The following PTPRR variants were observed in gnomAD, a reference collection of about 807,000 sequenced individuals.
PTPRR encodes the protein receptor-type tyrosine-protein phosphatase R.
Under a neutral mutation model 77.2 loss-of-function variants are expected in PTPRR, and 38 were observed. That is an observed-to-expected ratio of 0.49 (90% CI 0.38 to 0.65). PTPRR has a LOEUF of 0.65. PTPRR is among the 30% of genes least tolerant of loss of function. The pLI is 0.00. For missense variants in PTPRR, 744 were observed against 799.2 expected, an observed-to-expected ratio of 0.93 and a Z score of 0.83; for synonymous variants, 299 against 283.1, an observed-to-expected ratio of 1.06 and a Z score of -0.57.
At chr12:70,658,544 G>A (rs17226500) in intron 12 of PTPRR, among the ~76,000 whole-genome samples, 9,450 of 152,120 alleles carry the variant, frequency 0.062, 463 homozygotes, top group Admixed American at 0.15. Flanking sequence ...TTCTAGGTAC[G>A]ACAATGATAT....
intron 2 of PTPRR, among the ~76,000 whole-genome samples, chr12:70,866,900 T>C (rs1056991676): frequency 2.0e-5 from 3 of 151,866 alleles, no homozygotes; most frequent in Admixed American, 2.0e-4. Flanking sequence ...ATAGATGTAA[T>C]ACAGCATATA....
chr12:70,788,667 G>T, intron 2 of PTPRR: 1 of 656,840 alleles, frequency 1.5e-6, no homozygotes, highest in South Asian at 1.8e-5. Flanking sequence ...TTAGGCTAAA[G>T]ATATTTCCCT....
chr12:70,817,214 G>A (rs930388941), intron 2 of PTPRR, among the ~76,000 whole-genome samples: 4 of 152,110 alleles, frequency 2.6e-5, no homozygotes, highest in East Asian at 1.9e-4. Flanking sequence ...ACACTTTAAT[G>A]TGTTTTAAAA....
intron 2 of PTPRR, among the ~76,000 whole-genome samples, chr12:70,860,031 G>A (rs562658232): frequency 3.3e-5 from 5 of 151,838 alleles, no homozygotes; most frequent in Admixed American, 3.3e-4. Flanking sequence ...CCCTCCTCAG[G>A]GGTTAAGTTT....
chr12:70,892,924 C>G lies in PTPRR; in HGVS notation c.112G>C (p.Gly38Arg), dbSNP rs1330020889. ...TGCTTATAAATGAATACCGGCTTCC[C>G]ACTCTTCTTCTGATTAATTGCCAAA... is the stretch of plus-strand genomic sequence containing the variant. ...HFLAINQKKSGKPVFIYKHSQ... is the reference protein window; with the variant it reads ...HFLAINQKKSRKPVFIYKHSQ... The change falls in exon 2 of 14, where the codon GGG (glycine) becomes CGG (arginine). Residue 38 changes from glycine to arginine, a missense_variant. Physicochemically the swap from Gly to Arg is moderately radical, Grantham distance 125. This residue lies in a region of PTPRR where 570 missense variants were observed against 573.2 expected (regional missense o/e 0.99). Transcript: ENST00000283228. The G allele has an allele frequency of 1.2e-6, 2 of 1,613,364 alleles. No individual in the cohort carries two copies. The highest frequency in any genetic ancestry group is 2.2e-5 in the South Asian group (2 of 91,064).
intron 2 of PTPRR, among the ~76,000 whole-genome samples, chr12:70,788,458 C>T (rs1219203570): frequency 6.6e-6 from 1 of 152,166 alleles, no homozygotes; most frequent in Non-Finnish European, 1.5e-5. Context: ...GGGAACCACA[C>T]TAAACAAAAC....
chr12:70,694,650 A>T (rs1013634190), intron 8 of PTPRR, among the ~76,000 whole-genome samples: 1 of 152,046 alleles, frequency 6.6e-6, no homozygotes, highest in Admixed American at 6.6e-5. Flanking sequence ...TGGGACTCCA[A>T]AAAAAGGGAG....
chr12:70,875,951 C>T (rs1452251733), intron 2 of PTPRR, among the ~76,000 whole-genome samples: 7 of 152,006 alleles, frequency 4.6e-5, no homozygotes, highest in Non-Finnish European at 7.4e-5. Context: ...CAAAGGAAAG[C>T]AGTAATGAGG....
intron 10 of PTPRR, among the ~76,000 whole-genome samples, chr12:70,669,322 C>T (rs1887123748): frequency 6.6e-6 from 1 of 151,918 alleles, no homozygotes; most frequent in African/African-American, 2.4e-5. Flanking sequence ...ATCCACTCAA[C>T]CTCCCAAACC....
intron 2 of PTPRR, among the ~76,000 whole-genome samples, chr12:70,765,505 G>A (rs1045723475): frequency 7.2e-5 from 11 of 152,272 alleles, no homozygotes; most frequent in South Asian, 2.1e-4. Context: ...CAAAGCAGCC[G>A]GGAAGCTCCA....
At chr12:70,823,560 A>G (rs1262896617) in intron 2 of PTPRR, among the ~76,000 whole-genome samples, 2 of 152,108 alleles carry the variant, frequency 1.3e-5, no homozygotes, top group African/African-American at 4.8e-5. Context: ...TTTTTTAACA[A>G]CTTGTACTTA....
chr12:70,869,187 T>C (rs1016340252), intron 2 of PTPRR, among the ~76,000 whole-genome samples: 2 of 151,820 alleles, frequency 1.3e-5, no homozygotes, highest in Admixed American at 6.6e-5. Context: ...AGTATAATAA[T>C]AATAAAATTA....
intron 2 of PTPRR, among the ~76,000 whole-genome samples, chr12:70,804,991 C>A (rs943537281): frequency 3.3e-5 from 5 of 152,114 alleles, no homozygotes; most frequent in Non-Finnish European, 7.4e-5. Flanking sequence ...GTATCTCTCC[C>A]CATGCTTATT....
At position 70,907,812 on chromosome 12, in the gene PTPRR, A is replaced by T. The variant is rs186045612; in HGVS notation, c.58+12521T>A. ...TTGAGTCAAAGGATACTGGGAGGAG[A>T]GGTTGACAGGAGTGAATGCTACTAT... On this transcript the variant is annotated intron_variant, in intron 1 of 13. Transcript: ENST00000283228. 1.3e-3 allele frequency among the ~76,000 whole-genome samples: 204 copies of T among 152,230 alleles called. 6 individuals are homozygous for T. Among genetic ancestry groups the T allele is most frequent in the Middle Eastern group, 0.01 (3 of 294 alleles).
rs79158763 is a variant in PTPRR at position 70,780,530 on chromosome 12, T to C, written c.358-15752A>G. The stretch of plus-strand genomic sequence containing the variant: ...TGTATCCCATCACGCTGGGATAAGG[T>C]TGTGGTATTTTTAGTGTTAGTTTTT... On this transcript the variant is annotated intron_variant, in intron 2 of 13. Transcript: ENST00000283228. Among the ~76,000 whole-genome samples, 422 of 152,186 alleles carry C rather than the reference T, an allele frequency of 2.8e-3. 2 individuals carry two copies. Among genetic ancestry groups the C allele is most frequent in the Non-Finnish European group, 4.7e-3 (322 of 67,998 alleles).
chr12:70,639,466 T>C lies in PTPRR; in HGVS notation c.1881-189A>G, dbSNP rs535551741. On this transcript the variant is annotated intron_variant, in intron 13 of 13. Coordinates refer to ENST00000283228, the MANE Select transcript of PTPRR (RefSeq NM_002849.4). The stretch of plus-strand genomic sequence containing the variant: ...ATCAAAGTTAACATGGTAATGTATA[T>C]AAAGGGCTTAACACAGTTCCCAGCA... 1.0e-5 allele frequency: 14 copies of C among 1,382,524 alleles called. No individual in the cohort carries two copies. The African/African-American group carries it at 1.2e-4, about 12-fold the overall frequency. 85.6% of individuals were successfully genotyped at this position (1,382,524 alleles called of 1,614,324 possible).
At chr12:70,725,788 A>G (rs1212001977) in intron 6 of PTPRR, among the ~76,000 whole-genome samples, 1 of 152,180 alleles carries the variant, frequency 6.6e-6, no homozygotes, top group Non-Finnish European at 1.5e-5. Flanking sequence ...ACCAAGTGTT[A>G]CAAAATTTTA....
intron 2 of PTPRR, among the ~76,000 whole-genome samples, chr12:70,775,996 T>G (rs1891079692): frequency 6.6e-6 from 1 of 152,200 alleles, no homozygotes; most frequent in African/African-American, 2.4e-5. Flanking sequence ...ACAGATTAAT[T>G]ATTTTTATTT....
intron 2 of PTPRR, among the ~76,000 whole-genome samples, chr12:70,844,400 G>A (rs1296459158): frequency 6.6e-6 from 1 of 152,110 alleles, no homozygotes. Flanking sequence ...TCCCTACTGT[G>A]ATTGAATTCA....
Sources: allele counts gnomAD v4.1 joint callset (sites outside exome capture counted in the v4.1 genomes callset), GRCh38; gene constraint gnomAD v4.1.1; regional missense constraint gnomAD v4.1.1; transcripts MANE v1.5; gene names NCBI Gene and HGNC (gene_info 2026-07-23, HGNC 2026-07-21).